YEATS2: variants seen among roughly 807,000 people sequenced by gnomAD.
The protein encoded by YEATS2 is YEATS domain-containing protein 2.
In YEATS2, 77 loss-of-function variants were observed where a neutral mutation model predicts 163.2. The ratio of observed to expected loss-of-function variants is 0.47; its 90% CI spans 0.39 to 0.57. The LOEUF (loss-of-function observed/expected upper bound fraction) is 0.57, where lower values mean the gene tolerates loss of function less well. Ranked by LOEUF, YEATS2 falls within the 20% of genes least tolerant of loss-of-function variation. The probability of loss-of-function intolerance (pLI) is 0.00; values close to 1 mark genes in which losing one functional copy is unlikely to be tolerated. For synonymous variants in YEATS2, 631 were observed against 645.1 expected (o/e 0.98, Z 0.33); for missense variants, 1,549 against 1,729.8 (o/e 0.90, Z 1.85).
chr3:183,755,471 G>A (rs1443355425), intron 11 of YEATS2, among the ~76,000 whole-genome samples: 1 of 152,180 alleles, frequency 6.6e-6, no homozygotes, highest in African/African-American at 2.4e-5. Flanking sequence ...TGCTACTTCA[G>A]AGGTGGAATA....
rs1722579446 is a variant in YEATS2, at chr3:183,772,525, C to T, written c.2168C>T (p.Thr723Ile). The change falls in exon 16 of 31, where the codon ACT (threonine) becomes ATT (isoleucine). Residue 723 changes from threonine to isoleucine, a missense_variant. Transcript: ENST00000305135. ...CAGACCTTAACCAAGGCCCAGGTTA[C>T]TGCCGCTGGTCCTCAGAAGAGTGGA... ...PVQTLTKAQV[T>I]AAGPQKSGSQ... is the part of the protein sequence containing the mutation. 1 of 1,614,124 alleles carries T rather than the reference C, an allele frequency of 6.2e-7. No individual in the cohort carries two copies. The highest frequency in any genetic ancestry group is 1.1e-5 in the South Asian group (1 of 91,076).
At chr3:183,721,134 A>G (rs1281455439) in intron 4 of YEATS2, among the ~76,000 whole-genome samples, 2 of 152,210 alleles carry the variant, frequency 1.3e-5, no homozygotes, top group African/African-American at 4.8e-5. Flanking sequence ...ATATTTAGGT[A>G]TGCTTTTGTC....
At chr3:183,702,922 G>A (rs1364448246) in intron 1 of YEATS2, among the ~76,000 whole-genome samples, 1 of 152,086 alleles carries the variant, frequency 6.6e-6, no homozygotes, top group African/African-American at 2.4e-5. Context: ...ATAATTTAGA[G>A]GAGCTGTTTT....
At chr3:183,756,164 AG>A (rs1383462637) in intron 11 of YEATS2, among the ~76,000 whole-genome samples, 1 of 152,242 alleles carries the variant, frequency 6.6e-6, no homozygotes, top group Non-Finnish European at 1.5e-5. Context: ...AAGGTTCAGC[AG>A]TTTTGCACTG....
In YEATS2 at chr3:183,790,777, C is replaced by T. The variant is rs762710783; in HGVS notation, c.2914-20C>T. 7.5e-6 allele frequency: 12 copies of T among 1,607,222 alleles called. 1 individual carries two copies. The highest frequency in any genetic ancestry group is 3.3e-5 in the Admixed American group (2 of 59,746). ...GCTTTCTTCCTGAACTGTGTTGTTT[C>T]GGACCCCATGGGTGAGCAGTCTGAA... is the stretch of plus-strand genomic sequence containing the variant. On this transcript the variant is annotated intron_variant, in intron 20 of 30. Coordinates refer to ENST00000305135, the MANE Select transcript of YEATS2 (RefSeq NM_018023.5).
Position 183,793,715 on chromosome 3 carries a change from C to T in YEATS2, c.3097+2735C>T, listed in dbSNP as rs138717615. Among the ~76,000 whole-genome samples the T allele has an allele frequency of 1.1e-3, 158 of 150,254 alleles. 4 individuals are homozygous for T. The East Asian group carries it at 0.03, about 29-fold the overall frequency. On this transcript the variant is annotated intron_variant, in intron 21 of 30. Coordinates refer to ENST00000305135, the MANE Select transcript of YEATS2 (RefSeq NM_018023.5). ...GCGACCTCTGCCTCCCGAGTTCCAGCGATTCTCCTGCCTCAGCCTCTTGAG... is the reference window on the plus strand; with the variant it reads ...GCGACCTCTGCCTCCCGAGTTCCAGTGATTCTCCTGCCTCAGCCTCTTGAG...
rs183784980 is a variant in YEATS2 at position 183,769,738 on chromosome 3, G to C, written c.1948-2567G>C. Among the ~76,000 whole-genome samples, 20 of 152,056 alleles carry C rather than the reference G, an allele frequency of 1.3e-4. No individual in the cohort carries two copies. In the East Asian group the frequency reaches 2.7e-3, roughly 21 times the overall value. ...AGACAGAGTCTTGCTCTGTCGCCAG[G>C]CTAGAGTGCAGTGGCACGATCTCAG... On this transcript the variant is annotated intron_variant, in intron 15 of 30. Transcript: ENST00000305135.
Position 183,701,110 on chromosome 3 carries a change from C to G in YEATS2, c.-20+3117C>G, listed in dbSNP as rs574646088. Among the ~76,000 whole-genome samples the G allele has an allele frequency of 1.9e-3, 275 of 148,014 alleles. 1 individual carries two copies. The highest frequency in any genetic ancestry group is 6.7e-3 in the African/African-American group (268 of 40,056). ...ATTTTTTTTTTTTTTGAGAAGGAGT[C>G]TCGCTCTGTCGCCCAGGCTGGAGTG... is the stretch of plus-strand genomic sequence containing the variant. On this transcript the variant is annotated intron_variant, in intron 1 of 30. Coordinates refer to ENST00000305135, the MANE Select transcript of YEATS2 (RefSeq NM_018023.5).
At chr3:183,728,929 A>C (rs1717415116) in intron 7 of YEATS2, 78 bp downstream of exon 7, 1 of 1,416,414 alleles carries the variant, frequency 7.1e-7, no homozygotes, top group African/African-American at 1.4e-5. Context: ...ATTTAACTTC[A>C]AAACATTTCC....
At chr3:183,773,824 G>T in intron 17 of YEATS2, 30 bp downstream of exon 17, 1 of 1,580,544 alleles carries the variant, frequency 6.3e-7, no homozygotes, top group East Asian at 2.3e-5. Flanking sequence ...TGAATCATTT[G>T]GTTCTTGGTT....
intron 12 of YEATS2, among the ~76,000 whole-genome samples, chr3:183,758,415 A>G (rs544076902): frequency 1.3e-5 from 2 of 152,248 alleles, no homozygotes; most frequent in South Asian, 4.1e-4. Flanking sequence ...TTCTGGTGAA[A>G]CTACTTTGAA....
rs2109302937 is a variant in YEATS2 at position 183,754,384 on chromosome 3, G to A, written c.1390+19G>A. On this transcript the variant is annotated intron_variant, in intron 11 of 30. Transcript: ENST00000305135. ...GTGTCAGGTATGCAGATGTTTTGAA[G>A]ACAGTGTATGTGGAGTTGACTGGAT... 6.2e-7 allele frequency: 1 copy of A among 1,607,132 alleles called. No individual in the cohort carries two copies. The highest frequency in any genetic ancestry group is 2.2e-5 in the East Asian group (1 of 44,732).
intron 17 of YEATS2, among the ~76,000 whole-genome samples, chr3:183,775,519 C>T (rs554917340): frequency 6.1e-4 from 93 of 152,286 alleles, no homozygotes; most frequent in Admixed American, 2.0e-4. Context: ...CGCTTGAACC[C>T]GGGAGGCAGA....
At chr3:183,740,369 GTCA>G (rs1157937309) in intron 8 of YEATS2, among the ~76,000 whole-genome samples, 2 of 152,122 alleles carry the variant, frequency 1.3e-5, no homozygotes, top group Middle Eastern at 3.2e-3. Flanking sequence ...ATCATCACTG[GTCA>G]TCAGAGAAAT....
At chr3:183,732,389 G>T (rs538591195) in intron 7 of YEATS2, among the ~76,000 whole-genome samples, 1 of 151,022 alleles carries the variant, frequency 6.6e-6, no homozygotes, top group South Asian at 2.1e-4. Flanking sequence ...GGAGGCACAG[G>T]TTGCGGTGAG....
At chr3:183,755,974 A>G (rs1477827422) in intron 11 of YEATS2, among the ~76,000 whole-genome samples, 2 of 151,294 alleles carry the variant, frequency 1.3e-5, no homozygotes, top group Admixed American at 6.6e-5. Context: ...TCGAACTCAC[A>G]ACCTCAGGTG....
At chr3:183,748,023 G>GA (rs959856494) in intron 9 of YEATS2, among the ~76,000 whole-genome samples, 7 of 151,818 alleles carry the variant, frequency 4.6e-5, no homozygotes, top group Non-Finnish European at 1.0e-4. Flanking sequence ...TTTAATTAGG[G>GA]AAAAAATTAG....
At chr3:183,751,159 A>C (rs1392075146) in intron 9 of YEATS2, among the ~76,000 whole-genome samples, 2 of 152,188 alleles carry the variant, frequency 1.3e-5, no homozygotes, top group South Asian at 2.1e-4. Flanking sequence ...ATTCTTTGGC[A>C]TATGGATATC....
At chr3:183,698,999 T>C (rs968707704) in intron 1 of YEATS2, among the ~76,000 whole-genome samples, 1 of 152,024 alleles carries the variant, frequency 6.6e-6, no homozygotes, top group Non-Finnish European at 1.5e-5. Flanking sequence ...CGGGAAGCCT[T>C]TGAAGGTTTT....
Sources: gnomAD v4.1 joint callset for allele counts (sites outside exome capture counted in the v4.1 genomes callset) on GRCh38, gnomAD v4.1.1 for gene constraint, MANE v1.5 for transcripts, NCBI Gene and HGNC (gene_info 2026-07-23, HGNC 2026-07-21) for gene names.